The following TRABD2B variants were observed in gnomAD, a reference collection of about 807,000 sequenced individuals.
TRABD2B encodes the protein TraB domain containing 2B, also known as metalloprotease TIKI2.
Under a neutral mutation model 40.1 loss-of-function variants are expected in TRABD2B, and 14 were observed. The observed-to-expected ratio is 0.35, with a 90% CI of 0.23 to 0.55. The LOEUF is 0.55. Among genes scored for constraint, TRABD2B ranks in the 20% least tolerant of loss-of-function variants. TRABD2B has a pLI of 0.90. For synonymous variants in TRABD2B, 263 were observed against 277.0 expected, an observed-to-expected ratio of 0.95 and a Z score of 0.50; for missense variants, 541 against 648.6, an observed-to-expected ratio of 0.83 and a Z score of 1.80.
intron 2 of TRABD2B, among the ~76,000 whole-genome samples, chr1:47,811,867 C>A (rs982306775): frequency 6.6e-5 from 10 of 152,224 alleles, no homozygotes; most frequent in Non-Finnish European, 1.3e-4. Context: ...TCTGGAAGAC[C>A]TATTCCAGGA....
chr1:47,912,693 G>T (rs11806377), intron 2 of TRABD2B, among the ~76,000 whole-genome samples: 37,863 of 152,076 alleles, frequency 0.25, 4,777 homozygotes, highest in Admixed American at 0.28. Flanking sequence ...CAGTGCTGGG[G>T]AGACACTGGG....
intron 2 of TRABD2B, among the ~76,000 whole-genome samples, chr1:47,974,916 C>T (rs946415883): frequency 2.2e-4 from 33 of 152,138 alleles, no homozygotes; most frequent in Non-Finnish European, 4.1e-4. Flanking sequence ...CCTTCCTCCC[C>T]AAAACACACA....
intron 2 of TRABD2B, among the ~76,000 whole-genome samples, chr1:47,952,339 T>C (rs913714897): frequency 9.7e-4 from 147 of 152,304 alleles, no homozygotes; most frequent in African/African-American, 3.3e-3. Context: ...CCTCTGCTCA[T>C]CTAGCCCTTC....
intron 2 of TRABD2B, among the ~76,000 whole-genome samples, chr1:47,892,014 T>C (rs1192490896): frequency 6.6e-6 from 1 of 152,104 alleles, no homozygotes; most frequent in Non-Finnish European, 1.5e-5. Context: ...AGAAAGCCAG[T>C]GGAGGGTTTT....
At position 47,766,075 on chromosome 1, in the gene TRABD2B, G is replaced by T. The variant is rs1028918790; in HGVS notation, c.1381C>A (p.Gln461Lys). Residue 461 changes from glutamine to lysine, a missense_variant, in exon 7 of 7, where the codon CAG becomes AAG. Transcript: ENST00000606738. Reference sequence around the variant, plus strand: ...GCGGTCCCCGAGCTGTGGGTGGGCTGCAGGGGCAGCGGGGGTGGTGAGGCG... The same window carrying T: ...GCGGTCCCCGAGCTGTGGGTGGGCTTCAGGGGCAGCGGGGGTGGTGAGGCG... The part of the protein sequence containing the change: ...TTASPPPLPL[Q>K]PTHSSGTAKP... 1.4e-6 allele frequency: 1 copy of T among 700,152 alleles called. No homozygotes were observed. The highest frequency in any genetic ancestry group is 2.6e-6 in the Non-Finnish European group (1 of 383,572). The allele number at this position is 700,152 out of a possible 1,614,324, so 43.4% of individuals were successfully genotyped here. A position where few individuals can be genotyped will look rare whatever the true frequency, so the allele number is the denominator to read the frequency against.
At position 47,805,255 on chromosome 1, in the gene TRABD2B, CA is replaced by C. The variant is rs201426704; in HGVS notation, c.667-3637del. Among the ~76,000 whole-genome samples the C allele has an allele frequency of 6.4e-3, 957 of 150,032 alleles. 13 individuals are homozygous for C. The highest frequency in any genetic ancestry group is 0.023 in the African/African-American group (899 of 39,650). On this transcript the variant is annotated intron_variant, in intron 2 of 6. Transcript: ENST00000606738. ...ATTCATCCACACACACTGCCACACC[CA>C]TTTTTTTTTTTTTTAGAGCCTTGTG...
chr1:47,962,244 A>G (rs1250952783), intron 2 of TRABD2B, among the ~76,000 whole-genome samples: 2 of 152,104 alleles, frequency 1.3e-5, no homozygotes, highest in South Asian at 2.1e-4. Context: ...GGATAGCATT[A>G]GGAGATATAC....
chr1:47,968,133 T>G (rs1387744416), intron 2 of TRABD2B, among the ~76,000 whole-genome samples: 2 of 152,238 alleles, frequency 1.3e-5, no homozygotes, highest in Non-Finnish European at 2.9e-5. Context: ...CTAGAGATAC[T>G]TACATTACCT....
chr1:47,922,273 A>G (rs1478663330), intron 2 of TRABD2B, among the ~76,000 whole-genome samples: 2 of 152,214 alleles, frequency 1.3e-5, no homozygotes. Context: ...ACCAAGAATA[A>G]CAGAATCAAC....
intron 4 of TRABD2B, among the ~76,000 whole-genome samples, chr1:47,782,515 A>G (rs1348783045): frequency 6.6e-6 from 1 of 152,230 alleles, no homozygotes; most frequent in Non-Finnish European, 1.5e-5. Flanking sequence ...CAAGTCTGGC[A>G]TGTGGCAGTG....
At chr1:47,776,985 C>T (rs557755699) in intron 5 of TRABD2B, among the ~76,000 whole-genome samples, 100 of 152,284 alleles carry the variant, frequency 6.6e-4, no homozygotes, top group Non-Finnish European at 1.1e-3. Context: ...TCAGCATTCC[C>T]GCCCCCCTCC....
intron 2 of TRABD2B, among the ~76,000 whole-genome samples, chr1:47,992,907 A>G (rs1210142261): frequency 1.3e-5 from 2 of 152,244 alleles, no homozygotes; most frequent in South Asian, 2.1e-4. Flanking sequence ...CGGCAAATCA[A>G]TCTGGCTTCT....
At chr1:47,925,290 AT>A (rs2124747151) in intron 2 of TRABD2B, among the ~76,000 whole-genome samples, 1 of 152,352 alleles carries the variant, frequency 6.6e-6, no homozygotes, top group South Asian at 2.1e-4. Flanking sequence ...AGAGCCTTTT[AT>A]CCTTCATAAA....
At chr1:47,853,556 A>G (rs1228256594) in intron 2 of TRABD2B, among the ~76,000 whole-genome samples, 1 of 152,216 alleles carries the variant, frequency 6.6e-6, no homozygotes, top group South Asian at 2.1e-4. Context: ...CACGCAGGAA[A>G]GAGTCTAAAA....
chr1:47,902,965 C>A (rs1644622712), intron 2 of TRABD2B, among the ~76,000 whole-genome samples: 1 of 152,148 alleles, frequency 6.6e-6, no homozygotes, highest in African/African-American at 2.4e-5. Flanking sequence ...CTTAAACATG[C>A]CAGATTTTTT....
At chr1:47,844,441 T>A (rs1645440883) in intron 2 of TRABD2B, among the ~76,000 whole-genome samples, 1 of 152,150 alleles carries the variant, frequency 6.6e-6, no homozygotes. Context: ...ATCACATCAA[T>A]GTGATGTGTT....
intron 2 of TRABD2B, among the ~76,000 whole-genome samples, chr1:47,944,641 C>T (rs1053237643): frequency 1.4e-4 from 21 of 152,146 alleles, no homozygotes; most frequent in African/African-American, 3.9e-4. Flanking sequence ...CAAGAAGCTC[C>T]GGTGCAAAAA....
At chr1:47,901,427 G>C (rs1570248159) in intron 2 of TRABD2B, among the ~76,000 whole-genome samples, 2 of 152,202 alleles carry the variant, frequency 1.3e-5, no homozygotes, top group African/African-American at 4.8e-5. Context: ...CTCTTGCTCA[G>C]CCAGCATGGC....
At chr1:47,985,865 C>A (rs923052469) in intron 2 of TRABD2B, among the ~76,000 whole-genome samples, 1 of 152,076 alleles carries the variant, frequency 6.6e-6, no homozygotes, top group African/African-American at 2.4e-5. Flanking sequence ...TCCTCAGGGG[C>A]CTTTACCAAT....
Sources: gnomAD v4.1 joint callset for allele counts (sites outside exome capture counted in the v4.1 genomes callset) on GRCh38, gnomAD v4.1.1 for gene constraint, MANE v1.5 for transcripts, NCBI Gene and HGNC (gene_info 2026-07-23, HGNC 2026-07-21) for gene names.